PTPDC1: variants seen among roughly 807,000 people sequenced by gnomAD.
PTPDC1 encodes protein tyrosine phosphatase domain-containing protein 1.
In PTPDC1, 53 loss-of-function variants were observed where a neutral mutation model predicts 75.3. That is an observed-to-expected ratio of 0.70 (90% confidence interval 0.56 to 0.88). PTPDC1 has a LOEUF of 0.88. PTPDC1 is among the 40% of genes least tolerant of loss of function. The pLI is 0.00. For synonymous variants in PTPDC1, 349 were observed against 366.2 expected, an observed-to-expected ratio of 0.95 and a Z score of 0.54; for missense variants, 925 against 998.6, an observed-to-expected ratio of 0.93 and a Z score of 0.99.
At chr9:94,063,641 G>A (rs923787826) in intron 1 of PTPDC1, among the ~76,000 whole-genome samples, 9 of 152,044 alleles carry the variant, frequency 5.9e-5, no homozygotes, top group Admixed American at 1.3e-4. Context: ...TTTTTTGAGC[G>A]TATAAAGATT....
At chr9:94,037,711 C>T (rs534653916) in intron 1 of PTPDC1, among the ~76,000 whole-genome samples, 1 of 152,198 alleles carries the variant, frequency 6.6e-6, no homozygotes, top group African/African-American at 2.4e-5. Context: ...TGCTCCTTTC[C>T]ATCCTTAATT....
intron 2 of PTPDC1, among the ~76,000 whole-genome samples, chr9:94,067,175 A>G (rs957430083): frequency 1.1e-4 from 17 of 151,996 alleles, no homozygotes; most frequent in African/African-American, 3.6e-4. Context: ...GGATCATAAG[A>G]TCAGGAGTTC....
chr9:94,097,184 T>C, intron 5 of PTPDC1, 137 bp from the exon 6 acceptor site: 1 of 657,640 alleles, frequency 1.5e-6, no homozygotes, highest in Non-Finnish European at 2.6e-6. Context: ...GTTATCATCA[T>C]AATTGTCCTT....
At chr9:94,043,001 TA>T (rs1368439380) in intron 1 of PTPDC1, among the ~76,000 whole-genome samples, 2 of 152,222 alleles carry the variant, frequency 1.3e-5, no homozygotes, top group African/African-American at 2.4e-5. Context: ...TGCAGCAATT[TA>T]GTCACATTTT....
chr9:94,089,316 G>A (rs1355097388), intron 4 of PTPDC1, among the ~76,000 whole-genome samples: 2 of 150,234 alleles, frequency 1.3e-5, no homozygotes, highest in Non-Finnish European at 3.0e-5. Context: ...ACCTATGAGT[G>A]AGAATATGCG....
chr9:94,043,353 C>T (rs10429556), intron 1 of PTPDC1, among the ~76,000 whole-genome samples: 86,995 of 151,778 alleles, frequency 0.57, 25,282 homozygotes, highest in Admixed American at 0.69. Flanking sequence ...TTACTATCTA[C>T]ATGTTTTCAG....
At chr9:94,078,458 A>G (rs1260515029) in intron 2 of PTPDC1, among the ~76,000 whole-genome samples, 1 of 152,084 alleles carries the variant, frequency 6.6e-6, no homozygotes, top group African/African-American at 2.4e-5. Context: ...ATGTGGATCT[A>G]TTTGTATGTA....
chr9:94,062,270 A>G (rs2117858419), intron 1 of PTPDC1, among the ~76,000 whole-genome samples: 2 of 152,280 alleles, frequency 1.3e-5, no homozygotes, highest in East Asian at 3.9e-4. Context: ...CCCCATTTCC[A>G]TCTGAGACCT....
chr9:94,084,029 A>G (rs1042782633), upstream of PTPDC1, among the ~76,000 whole-genome samples: 1 of 152,238 alleles, frequency 6.6e-6, no homozygotes, highest in Non-Finnish European at 1.5e-5. Context: ...TGTCCAGCAT[A>G]TCCCACTTTA....
chr9:94,065,003 G>C (rs1157827511), intron 2 of PTPDC1, among the ~76,000 whole-genome samples: 1 of 152,164 alleles, frequency 6.6e-6, no homozygotes, highest in African/African-American at 2.4e-5. Context: ...CCTGAATAAT[G>C]GCCTTGGCCT....
intron 1 of PTPDC1, among the ~76,000 whole-genome samples, chr9:94,044,809 G>T (rs1314686258): frequency 6.6e-6 from 1 of 150,412 alleles, no homozygotes; most frequent in African/African-American, 2.5e-5. Context: ...ATCTTGCCTC[G>T]TTCCTGATTT....
intron 2 of PTPDC1, among the ~76,000 whole-genome samples, chr9:94,070,120 G>A (rs1052607479): frequency 1.3e-5 from 2 of 152,146 alleles, no homozygotes; most frequent in Admixed American, 6.5e-5. Context: ...ACCACGCCTG[G>A]CCAATACTTT....
intron 1 of PTPDC1, among the ~76,000 whole-genome samples, chr9:94,040,518 T>C (rs1348928636): frequency 6.6e-6 from 1 of 152,154 alleles, no homozygotes; most frequent in African/African-American, 2.4e-5. Flanking sequence ...CATGTGTCTT[T>C]AATGAAAGGT....
At chr9:94,050,907 C>T (rs1261035601) in intron 1 of PTPDC1, among the ~76,000 whole-genome samples, 1 of 152,192 alleles carries the variant, frequency 6.6e-6, no homozygotes, top group Non-Finnish European at 1.5e-5. Context: ...CAAGCCTTGG[C>T]AATGGCGGGC....
chr9:94,082,286 C>T (rs974560141), upstream of PTPDC1, among the ~76,000 whole-genome samples: 3 of 152,198 alleles, frequency 2.0e-5, no homozygotes. Flanking sequence ...ATAGGTGGGC[C>T]TCCCACGCCC....
At chr9:94,057,330 C>T (rs1426684414) in intron 1 of PTPDC1, among the ~76,000 whole-genome samples, 1 of 152,076 alleles carries the variant, frequency 6.6e-6, no homozygotes, top group African/African-American at 2.4e-5. Context: ...ACGATCTGCC[C>T]ACCTCAGCTT....
At chr9:94,095,763 A>G (rs549058196) in intron 5 of PTPDC1, among the ~76,000 whole-genome samples, 1 of 152,330 alleles carries the variant, frequency 6.6e-6, no homozygotes, top group South Asian at 2.1e-4. Flanking sequence ...AAACATCACT[A>G]TATACCCCAT....
intron 4 of PTPDC1, among the ~76,000 whole-genome samples, chr9:94,093,007 C>G (rs367906888): frequency 6.6e-6 from 1 of 151,696 alleles, no homozygotes; most frequent in Non-Finnish European, 1.5e-5. Flanking sequence ...TTCCTGAATA[C>G]AGCACACTGA....
intron 1 of PTPDC1, among the ~76,000 whole-genome samples, chr9:94,061,202 C>T (rs1045733744): frequency 2.0e-5 from 3 of 152,180 alleles, no homozygotes; most frequent in African/African-American, 7.2e-5. Context: ...GCAGGGCACT[C>T]ATTCAACCTT....
Sources: gnomAD v4.1 joint callset for allele counts (sites outside exome capture counted in the v4.1 genomes callset) on GRCh38, gnomAD v4.1.1 for gene constraint, MANE v1.5 for transcripts, NCBI Gene and HGNC (gene_info 2026-07-23, HGNC 2026-07-21) for gene names.